ROBO2: variants seen among roughly 807,000 people sequenced by gnomAD.
ROBO2 encodes the protein roundabout guidance receptor 2.
ROBO2 carries 53 observed loss-of-function variants against 160.8 expected under a neutral mutation model. That is an observed-to-expected ratio of 0.33 (90% CI 0.26 to 0.41). ROBO2 has a LOEUF of 0.41. Ranked by LOEUF, ROBO2 falls within the 10% of genes least tolerant of loss-of-function variation. The probability of loss-of-function intolerance (pLI) is 1.00; values close to 1 mark genes in which losing one functional copy is unlikely to be tolerated. For synonymous variants in ROBO2, 664 were observed against 611.7 expected, an observed-to-expected ratio of 1.09 and a Z score of -1.26; for missense variants, 1,577 against 1,722.4, an observed-to-expected ratio of 0.92 and a Z score of 1.49.
At chr3:75,964,851 G>A (rs1949047176) in intron 2 of ROBO2, 1 of 151,526 alleles carries the variant, frequency 6.6e-6, no homozygotes, top group Non-Finnish European at 1.5e-5. Flanking sequence ...TTTATATTTT[G>A]CCACCATTTA....
chr3:77,634,070 A>C (rs1489549838), intron 23 of ROBO2: 1 of 152,220 alleles, frequency 6.6e-6, no homozygotes, highest in Non-Finnish European at 1.5e-5. Context: ...TACAATAAAC[A>C]TGGTATTGAA....
At chr3:77,457,097 A>G (rs1007176040) in intron 2 of ROBO2, among the ~76,000 whole-genome samples, 1 of 152,196 alleles carries the variant, frequency 6.6e-6, no homozygotes, top group Non-Finnish European at 1.5e-5. Context: ...TGAGCAATCT[A>G]CAGGCACTAT....
chr3:77,568,946 A>G (rs961676487), intron 13 of ROBO2, among the ~76,000 whole-genome samples: 5 of 151,898 alleles, frequency 3.3e-5, no homozygotes, highest in African/African-American at 1.2e-4. Context: ...ACTCTGCATA[A>G]TGTTTTTGAG....
Position 77,027,752 on chromosome 3 carries a change from G to A in ROBO2, c.110-70262G>A, listed in dbSNP as rs542229704. Among the ~76,000 whole-genome samples the A allele has an allele frequency of 2.0e-5, 3 of 152,248 alleles. No homozygotes were observed. In the East Asian group the frequency reaches 5.8e-4, roughly 30 times the overall value. ...TAGCCAAGCACCTGTACTGCTCTCAGATACACACAGTGTGTTTAATTAAGT... is the reference window on the plus strand; with the variant it reads ...TAGCCAAGCACCTGTACTGCTCTCAAATACACACAGTGTGTTTAATTAAGT... On this transcript the variant is annotated intron_variant, in intron 2 of 26. Transcript: ENST00000487694.
intron 2 of ROBO2, among the ~76,000 whole-genome samples, chr3:76,035,847 G>A (rs1392164188): frequency 2.6e-5 from 4 of 151,860 alleles, no homozygotes; most frequent in Non-Finnish European, 4.4e-5. Context: ...CAAGGGCCAC[G>A]GTGTTGGCAC....
chr3:76,786,374 G>T (rs755796753), intron 2 of ROBO2, among the ~76,000 whole-genome samples: 19 of 151,266 alleles, frequency 1.3e-4, no homozygotes, highest in Admixed American at 3.3e-4. Context: ...TGGTTCTGTG[G>T]GCTGTATAGG....
At chr3:77,608,372 A>G (rs1181599284) in intron 21 of ROBO2, among the ~76,000 whole-genome samples, 4 of 152,226 alleles carry the variant, frequency 2.6e-5, no homozygotes, top group Non-Finnish European at 5.9e-5. Flanking sequence ...GCGCCACTGT[A>G]GAGCACCATC....
In ROBO2 at chr3:76,429,187, C is replaced by CAT. The variant is rs1487986265; in HGVS notation, c.109+491586_109+491587insTA. ...GGGCGCACACACACACACACACACA[C>CAT]ACACACCCACTCACTCACACTCAGG... On this transcript the variant is annotated intron_variant, in intron 2 of 26. Transcript: ENST00000487694. Among the ~76,000 whole-genome samples the CAT allele has an allele frequency of 2.7e-3, 406 of 151,352 alleles. 72 individuals are homozygous for CAT. Among genetic ancestry groups the CAT allele is most frequent in the African/African-American group, 5.6e-3 (232 of 41,236 alleles).
chr3:76,166,040 A>G (rs563634387), intron 2 of ROBO2, among the ~76,000 whole-genome samples: 80 of 152,228 alleles, frequency 5.3e-4, no homozygotes, highest in African/African-American at 1.9e-3. Flanking sequence ...ATAATAATAA[A>G]CATATTTGAA....
intron 2 of ROBO2, among the ~76,000 whole-genome samples, chr3:76,053,943 C>T (rs2107830625): frequency 6.6e-6 from 1 of 152,150 alleles, no homozygotes; most frequent in Middle Eastern, 3.4e-3. Flanking sequence ...TGCAAGCATA[C>T]TAAATATAAA....
intron 2 of ROBO2, among the ~76,000 whole-genome samples, chr3:77,435,670 C>A (rs575891943): frequency 4.6e-5 from 7 of 151,772 alleles, no homozygotes; most frequent in Admixed American, 2.0e-4. Context: ...GTCTCAATAC[C>A]AAAGGAATGA....
At chr3:77,507,260 C>T (rs1438453185) in intron 5 of ROBO2, among the ~76,000 whole-genome samples, 2 of 152,202 alleles carry the variant, frequency 1.3e-5, no homozygotes, top group East Asian at 3.9e-4. Context: ...AAGAAGAAAG[C>T]CTTTTGAATC....
chr3:75,991,562 G>GT (rs773394579), intron 2 of ROBO2, among the ~76,000 whole-genome samples: 2 of 152,066 alleles, frequency 1.3e-5, no homozygotes, highest in Non-Finnish European at 1.5e-5. Context: ...TCCATTAAAA[G>GT]TTTTTTTCTT....
intron 2 of ROBO2, among the ~76,000 whole-genome samples, chr3:76,166,676 TA>T (rs372635743): frequency 2.4e-4 from 36 of 148,988 alleles, no homozygotes; most frequent in African/African-American, 4.7e-4. Flanking sequence ...AAATCACATA[TA>T]AAAAAAAAAT....
chr3:76,858,557 C>G (rs921383412), intron 2 of ROBO2, among the ~76,000 whole-genome samples: 1 of 152,156 alleles, frequency 6.6e-6, no homozygotes. Flanking sequence ...AGCCACGGCA[C>G]CTGGTCAGTA....
chr3:77,513,618 G>T (rs6548513), intron 5 of ROBO2, among the ~76,000 whole-genome samples: 120,562 of 151,778 alleles, frequency 0.79, 48,635 homozygotes, highest in African/African-American at 0.94. Flanking sequence ...GCAAACTGTG[G>T]GTTTTAAGTA....
At chr3:77,576,755 A>C (rs1047799233) in intron 14 of ROBO2, among the ~76,000 whole-genome samples, 2 of 152,126 alleles carry the variant, frequency 1.3e-5, no homozygotes, top group Non-Finnish European at 2.9e-5. Context: ...TTTCATTTTT[A>C]TCATCAGAGT....
intron 2 of ROBO2, among the ~76,000 whole-genome samples, chr3:76,338,287 C>CA (rs1174808369): frequency 9.2e-5 from 14 of 152,124 alleles, no homozygotes; most frequent in Non-Finnish European, 1.9e-4. Flanking sequence ...TATACCCCTG[C>CA]AATAAGGTAC....
intron 6 of ROBO2, among the ~76,000 whole-genome samples, chr3:77,542,462 A>G (rs1423250979): frequency 6.6e-6 from 1 of 152,238 alleles, no homozygotes; most frequent in East Asian, 1.9e-4. Context: ...ACAATAGTCT[A>G]TTGAATGCAT....
Sources: allele counts gnomAD v4.1 joint callset (sites outside exome capture counted in the v4.1 genomes callset), GRCh38; gene constraint gnomAD v4.1.1; transcripts MANE v1.5; gene names NCBI Gene and HGNC (gene_info 2026-07-23, HGNC 2026-07-21).